CNTRL: variants seen among roughly 807,000 people sequenced by gnomAD.
CNTRL encodes centriolin.
A neutral mutation model predicts 303.7 loss-of-function variants in CNTRL; 233 were observed. The observed-to-expected ratio is 0.77, with a 90% CI of 0.69 to 0.86. CNTRL has a LOEUF of 0.86. CNTRL is among the 40% of genes least tolerant of loss of function. The probability of loss-of-function intolerance (pLI) is 0.00; values close to 1 mark genes in which losing one functional copy is unlikely to be tolerated. For missense variants in CNTRL, 2,524 were observed against 2,650.6 expected, an observed-to-expected ratio of 0.95 and a Z score of 1.05; for synonymous variants, 900 against 922.2, an observed-to-expected ratio of 0.98 and a Z score of 0.44.
At chr9:121,108,353 T>TA (rs2049580428) in intron 8 of CNTRL, among the ~76,000 whole-genome samples, 1 of 152,204 alleles carries the variant, frequency 6.6e-6, no homozygotes, top group Admixed American at 6.5e-5. Flanking sequence ...ATTACTAAGA[T>TA]AAAATATAAT....
At chr9:121,075,419 T>C (rs559065536) in intron 1 of CNTRL, among the ~76,000 whole-genome samples, 2 of 152,128 alleles carry the variant, frequency 1.3e-5, no homozygotes, top group Non-Finnish European at 2.9e-5. Context: ...GTGCCAGCTG[T>C]CTGTGGGGAG....
At chr9:121,120,713 A>G (rs931743826) in intron 12 of CNTRL, among the ~76,000 whole-genome samples, 3 of 152,228 alleles carry the variant, frequency 2.0e-5, no homozygotes, top group Admixed American at 6.5e-5. Context: ...TCTGGCGGAC[A>G]GAGAGTTCAA....
chr9:121,148,634 T>G, intron 23 of CNTRL, 38 bp from the exon 24 acceptor site: 2 of 1,551,556 alleles, frequency 1.3e-6, no homozygotes, highest in Non-Finnish European at 1.7e-6. Context: ...GCCTTTCCAT[T>G]TATAATAGAT....
Position 121,150,492 on chromosome 9 carries a change from A to G in CNTRL, c.3963+9A>G, listed in dbSNP as rs1453358111. ...CTGAACACCATAACTTAGTAAGTGG[A>G]AAGACATACAACTCTCTTTCCACAC... On this transcript the variant is annotated intron_variant, in intron 25 of 43. Coordinates refer to ENST00000373855, the MANE Select transcript of CNTRL (RefSeq NM_007018.6). The G allele has an allele frequency of 6.2e-7, 1 of 1,612,374 alleles. No homozygotes were observed. The highest frequency in any genetic ancestry group is 8.5e-7 in the Non-Finnish European group (1 of 1,178,530).
At chr9:121,158,568 A>C (rs1471377312) in intron 30 of CNTRL, 2 of 308,332 alleles carry the variant, frequency 6.5e-6, no homozygotes, top group Middle Eastern at 9.4e-4. Context: ...GTCAAAATGG[A>C]ATTAGGGTAT....
chr9:121,137,745 A>C (rs903304665), intron 15 of CNTRL, among the ~76,000 whole-genome samples: 6 of 150,362 alleles, frequency 4.0e-5, no homozygotes, highest in African/African-American at 1.3e-4. Context: ...ATAATAAATA[A>C]AATTTCTAGA....
intron 1 of CNTRL, among the ~76,000 whole-genome samples, chr9:121,077,810 G>A (rs2047985180): frequency 6.7e-6 from 1 of 149,296 alleles, no homozygotes; most frequent in African/African-American, 2.4e-5. Flanking sequence ...GCCAAGCGTG[G>A]TTATATGCGC....
chr9:121,119,075 AATAT>A (rs1192525790), intron 12 of CNTRL, among the ~76,000 whole-genome samples: 3 of 106,706 alleles, frequency 2.8e-5, no homozygotes, highest in Non-Finnish European at 6.4e-5. Flanking sequence ...ATTATACATA[AATAT>A]ATGTGTGTGT....
At chr9:121,151,381 CTTCTTCTTTTTTT>C (rs2052236068) in intron 25 of CNTRL, among the ~76,000 whole-genome samples, 2 of 117,984 alleles carry the variant, frequency 1.7e-5, no homozygotes, top group Non-Finnish European at 3.4e-5. Context: ...TTTCTTTTTT[CTTCTTCTTTTTTT>C]TTTTTTTTTT....
chr9:121,130,969 A>T (rs1461647969), intron 14 of CNTRL, among the ~76,000 whole-genome samples: 1 of 152,082 alleles, frequency 6.6e-6, no homozygotes, highest in Non-Finnish European at 1.5e-5. Flanking sequence ...CCTGAGTTCT[A>T]ATTTGATTGC....
chr9:121,144,815 T>A, intron 20 of CNTRL, 28 bp from the exon 21 acceptor site: 1 of 1,527,898 alleles, frequency 6.5e-7, no homozygotes, highest in Non-Finnish European at 9.1e-7. Context: ...ATAGCAGTGG[T>A]GCCTTTCTCA....
At chr9:121,166,432 G>C (rs2053093366) in intron 36 of CNTRL, among the ~76,000 whole-genome samples, 1 of 152,288 alleles carries the variant, frequency 6.6e-6, no homozygotes, top group South Asian at 2.1e-4. Context: ...GGCTAGACCA[G>C]AGCCCAGCAG....
At chr9:121,173,212 C>A in intron 40 of CNTRL, 31 bp from the exon 41 acceptor site, 1 of 1,575,582 alleles carries the variant, frequency 6.3e-7, no homozygotes, top group Non-Finnish European at 8.6e-7. Flanking sequence ...AAATTTTATA[C>A]AATGATATTT....
intron 23 of CNTRL, among the ~76,000 whole-genome samples, chr9:121,147,601 G>A (rs2051954521): frequency 6.6e-6 from 1 of 152,164 alleles, no homozygotes; most frequent in South Asian, 2.1e-4. Context: ...CCTGAATGTG[G>A]GAAGTGAGGA....
intron 40 of CNTRL, among the ~76,000 whole-genome samples, chr9:121,172,139 CCT>C (rs1022314895): frequency 6.6e-6 from 1 of 152,200 alleles, no homozygotes; most frequent in African/African-American, 2.4e-5. Flanking sequence ...CTTCCAATCC[CCT>C]GATGCCCCAC....
intron 24 of CNTRL, among the ~76,000 whole-genome samples, chr9:121,149,214 A>T (rs2052059492): frequency 6.6e-6 from 1 of 152,042 alleles, no homozygotes; most frequent in African/African-American, 2.4e-5. Context: ...CATTAATCTC[A>T]TCCTCCTAAA....
intron 16 of CNTRL, among the ~76,000 whole-genome samples, chr9:121,139,512 G>C (rs1175924239): frequency 6.6e-6 from 1 of 152,152 alleles, no homozygotes; most frequent in African/African-American, 2.4e-5. Flanking sequence ...GTTCCTTGAA[G>C]TTTAAAGAAA....
In CNTRL at chr9:121,113,609, A is replaced by G. The variant is rs138262987; in HGVS notation, c.1230A>G (p.Ala410=). ...TESYIIDSAQ[A]VQIKKMEPDE... Reference sequence around the variant, plus strand: ...GTTATATTATTGACAGTGCTCAGGCAGTACAGATCAAGAAGATGGAGCCAG... The same window carrying G: ...GTTATATTATTGACAGTGCTCAGGCGGTACAGATCAAGAAGATGGAGCCAG... The change falls in exon 10 of 44, where the codon GCA becomes GCG. Residue 410 remains alanine, a synonymous_variant. Transcript: ENST00000373855. 270 of 1,610,076 alleles carry G rather than the reference A, an allele frequency of 1.7e-4. 2 individuals are homozygous for G. The African/African-American group carries it at 3.0e-3, about 18-fold the overall frequency.
At position 121,176,036 on chromosome 9, in the gene CNTRL, C is replaced by A. The variant is rs555070261; in HGVS notation, c.6954+812C>A. On this transcript the variant is annotated intron_variant, in intron 43 of 43. Coordinates refer to ENST00000373855, the MANE Select transcript of CNTRL (RefSeq NM_007018.6). ...ATTTAAGAGGAACATGAAATATACTCATGGAACTGGTAAGTAGTAGCACAC... is the reference window on the plus strand; with the variant it reads ...ATTTAAGAGGAACATGAAATATACTAATGGAACTGGTAAGTAGTAGCACAC... Among the ~76,000 whole-genome samples, 4 of 152,328 alleles carry A rather than the reference C, an allele frequency of 2.6e-5. No individual in the cohort carries two copies. The East Asian group carries it at 7.7e-4, about 29-fold the overall frequency.
Sources: gnomAD v4.1 joint callset for allele counts (sites outside exome capture counted in the v4.1 genomes callset) on GRCh38, gnomAD v4.1.1 for gene constraint, MANE v1.5 for transcripts, NCBI Gene and HGNC (gene_info 2026-07-23, HGNC 2026-07-21) for gene names.